GIMAP7: variants seen among roughly 807,000 people sequenced by gnomAD.
GIMAP7 encodes GTPase, IMAP family member 7, also known as GTPase IMAP family member 7.
For missense variants in GIMAP7, 323 were observed against 359.7 expected, an observed-to-expected ratio of 0.90 and a Z score of 0.83; for synonymous variants, 137 against 129.3, an observed-to-expected ratio of 1.06 and a Z score of -0.40.
At position 150,520,035 on chromosome 7, in the gene GIMAP7, A is replaced by C. The variant is rs1182879174; in HGVS notation, c.61A>C (p.Lys21Gln). Residue 21 changes from lysine to glutamine, a missense_variant, in exon 2 of 2, where the codon AAA (lysine) becomes CAA (glutamine). Lys to Gln is a moderately conservative substitution (Grantham distance 53). Transcript: ENST00000313543. ...IVLVGKTGSG[K>Q]SATANTILGE... ...TCTGGTAGGGAAAACTGGAAGTGGGAAAAGTGCAACAGCGAACACCATCCT... is the reference window on the plus strand; with the variant it reads ...TCTGGTAGGGAAAACTGGAAGTGGGCAAAGTGCAACAGCGAACACCATCCT... 4 of 1,610,446 alleles carry C rather than the reference A, an allele frequency of 2.5e-6. No homozygotes were observed. In the East Asian group the frequency reaches 6.7e-5, roughly 27 times the overall value.
At chr7:150,519,622 C>G (rs1231594198) in intron 1 of GIMAP7, among the ~76,000 whole-genome samples, 3 of 152,020 alleles carry the variant, frequency 2.0e-5, no homozygotes, top group African/African-American at 7.2e-5. Context: ...AAAAAAGTAA[C>G]TTTTTCCTTC....
chr7:150,515,334 CAG>C (rs947867544), intron 1 of GIMAP7, among the ~76,000 whole-genome samples: 2 of 152,126 alleles, frequency 1.3e-5, no homozygotes, highest in African/African-American at 4.8e-5. Context: ...ATCCCAATCC[CAG>C]AGATTTTGAT....
chr7:150,517,992 A>G (rs962176956), intron 1 of GIMAP7, among the ~76,000 whole-genome samples: 3 of 152,064 alleles, frequency 2.0e-5, no homozygotes, highest in Non-Finnish European at 4.4e-5. Context: ...ATGATAGTAA[A>G]CTATACATTA....
Position 150,520,239 on chromosome 7 carries a change from T to C in GIMAP7, c.265T>C (p.Cys89Arg). Reference protein sequence around the residue: ...KEISRCIISSCPGPHAIVLVL... With the variant: ...KEISRCIISSRPGPHAIVLVL... ...AATCAGCCGCTGCATCATCTCCTCC[T>C]GCCCAGGGCCCCATGCTATTGTCCT... Residue 89 changes from cysteine (C) to arginine (R), a missense_variant, in exon 2 of 2, where the codon TGC becomes CGC. Transcript: ENST00000313543. 8 of 1,614,198 alleles carry C rather than the reference T, an allele frequency of 5.0e-6. No individual in the cohort carries two copies. Among genetic ancestry groups the C allele is most frequent in the Non-Finnish European group, 6.8e-6 (8 of 1,180,010 alleles).
In GIMAP7 at chr7:150,520,094, C is replaced by T; in HGVS notation, c.120C>T (p.Ala40=). 1 of 1,614,050 alleles carries T rather than the reference C, an allele frequency of 6.2e-7. No homozygotes were observed. ...AAATCTTTGATTCTAGAATTGCTGC[C>T]CAAGCTGTTACCAAGAACTGTCAAA... ...GEEIFDSRIA[A]QAVTKNCQKA... Residue 40 remains alanine, a synonymous_variant, in exon 2 of 2, where the codon GCC becomes GCT. Coordinates refer to ENST00000313543, the MANE Select transcript of GIMAP7 (RefSeq NM_153236.4).
intron 1 of GIMAP7, 37 bp from the exon 2 acceptor site, chr7:150,519,897 A>T: frequency 1.5e-6 from 2 of 1,351,414 alleles, no homozygotes; most frequent in Non-Finnish European, 1.0e-6. Context: ...TCACTTACTA[A>T]AACTGGCTTT....
At chr7:150,519,303 A>AT (rs1291432592) in intron 1 of GIMAP7, among the ~76,000 whole-genome samples, 3 of 152,150 alleles carry the variant, frequency 2.0e-5, no homozygotes, top group Non-Finnish European at 4.4e-5. Context: ...AGAAATAGAT[A>AT]TTTTTTCTGT....
At position 150,520,204 on chromosome 7, in the gene GIMAP7, C is replaced by T. The variant is rs1323015149; in HGVS notation, c.230C>T (p.Thr77Ile). 6.2e-7 allele frequency: 1 copy of T among 1,614,022 alleles called. No homozygotes were observed. The highest frequency in any genetic ancestry group is 1.3e-5 in the African/African-American group (1 of 74,912). The change falls in exon 2 of 2, where the codon ACC (threonine) becomes ATC (isoleucine). Residue 77 changes from threonine (T) to isoleucine (I), a missense_variant. Coordinates refer to ENST00000313543, the MANE Select transcript of GIMAP7 (RefSeq NM_153236.4). ...GACACCAAGGAGAGCCTGGACACCA[C>T]CTGCAAGGAAATCAGCCGCTGCATC... Reference protein sequence around the residue: ...LFDTKESLDTTCKEISRCIIS... With the variant: ...LFDTKESLDTICKEISRCIIS...
chr7:150,520,655 A>C lies in GIMAP7; in HGVS notation c.681A>C (p.Gln227His), dbSNP rs566175398. The change falls in exon 2 of 2, where the codon CAA becomes CAC. Residue 227 changes from glutamine (Q) to histidine (H), a missense_variant. Gln to His is a conservative substitution (Grantham distance 24). Transcript: ENST00000313543. ...TTTTGAGGAAAATCTACACTGACCA[A>C]TTAAATGAAGAAATTAAACTAGTAG... ...EEVLRKIYTD[Q>H]LNEEIKLVEE... 3.2e-5 allele frequency: 52 copies of C among 1,613,260 alleles called. No individual in the cohort carries two copies. The South Asian group carries it at 5.4e-4, about 17-fold the overall frequency.
Position 150,521,029 on chromosome 7 carries a change from T to TATATACAC in GIMAP7, c.*153_*154insTATACACA, listed in dbSNP as rs369111955. ...TGATTTTTAAATATATATATATATA[T>TATATACAC]ACACACATTGTGAAATAATGAAATA... On this transcript the variant is annotated 3_prime_UTR_variant, in exon 2 of 2. Coordinates refer to ENST00000313543, the MANE Select transcript of GIMAP7 (RefSeq NM_153236.4). The TATATACAC allele has an allele frequency of 2.1e-5, 5 of 241,192 alleles. 1 individual carries two copies. The highest frequency in any genetic ancestry group is 9.6e-5 in the African/African-American group (4 of 41,752). 14.9% of individuals were successfully genotyped at this position (241,192 alleles called of 1,614,324 possible). A position where few individuals can be genotyped will look rare whatever the true frequency, so the allele number is the denominator to read the frequency against.
rs1795181786 is a variant in GIMAP7 at position 150,520,761 on chromosome 7, AAT to A, written c.791_792del (p.Ile264LysfsTer5). ...LKLKYDEKIK[N>X]IREEAERNIF... ...ATTAAAATATGATGAAAAAATAAAAAATATAAGGGAAGAAGCTGAGAGAAATA... is the reference window on the plus strand; with the variant it reads ...ATTAAAATATGATGAAAAAATAAAAAATAAGGGAAGAAGCTGAGAGAAATA... On this transcript the variant is annotated frameshift_variant, in exon 2 of 2. Transcript: ENST00000313543. LOFTEE classifies it low-confidence loss of function (END_TRUNC). 6.7e-7 allele frequency: 1 copy of A among 1,500,954 alleles called. No homozygotes were observed. The highest frequency in any genetic ancestry group is 9.1e-7 in the Non-Finnish European group (1 of 1,099,016). 93.0% of individuals were successfully genotyped at this position (1,500,954 alleles called of 1,614,324 possible). A position where few individuals can be genotyped will look rare whatever the true frequency, so the allele number is the denominator to read the frequency against.
rs368679926 is a variant in GIMAP7 at position 150,520,230 on chromosome 7, A to T, written c.256A>T (p.Ile86Phe). Residue 86 changes from isoleucine (I) to phenylalanine (F), a missense_variant, in exon 2 of 2, where the codon ATC (isoleucine) becomes TTC (phenylalanine). Ile to Phe is a conservative substitution (Grantham distance 21, BLOSUM62 0). Transcript: ENST00000313543. ...TTCKEISRCI[I>F]SSCPGPHAIV... The stretch of plus-strand genomic sequence containing the variant: ...CTGCAAGGAAATCAGCCGCTGCATC[A>T]TCTCCTCCTGCCCAGGGCCCCATGC... 6.2e-6 allele frequency: 10 copies of T among 1,614,018 alleles called. No homozygotes were observed. The African/African-American group carries it at 1.2e-4, about 19-fold the overall frequency.
intron 1 of GIMAP7, among the ~76,000 whole-genome samples, chr7:150,516,719 G>A (rs1795140284): frequency 6.6e-6 from 1 of 152,176 alleles, no homozygotes; most frequent in African/African-American, 2.4e-5. Context: ...AGGAAGGGAA[G>A]GTCTTTTGTC....
intron 1 of GIMAP7, among the ~76,000 whole-genome samples, 162 bp downstream of exon 1, chr7:150,515,107 A>T (rs1409824674): frequency 6.6e-6 from 1 of 152,156 alleles, no homozygotes; most frequent in Non-Finnish European, 1.5e-5. Flanking sequence ...AAGGGGAGTG[A>T]GGAGATTTGT....
chr7:150,517,107 G>T (rs957994045), intron 1 of GIMAP7, among the ~76,000 whole-genome samples: 7 of 152,132 alleles, frequency 4.6e-5, no homozygotes, highest in Admixed American at 1.3e-4. Context: ...GTTAAAAGAT[G>T]AGATGTATGA....
chr7:150,519,422 A>G (rs1041425586), intron 1 of GIMAP7, among the ~76,000 whole-genome samples: 2 of 152,218 alleles, frequency 1.3e-5, no homozygotes, highest in Admixed American at 6.5e-5. Flanking sequence ...GTAACAATCA[A>G]CATTCTCATA....
Position 150,519,969 on chromosome 7 carries a change from G to T in GIMAP7, c.-6G>T. 1 of 1,612,922 alleles carries T rather than the reference G, an allele frequency of 6.2e-7. No homozygotes were observed. The highest frequency in any genetic ancestry group is 1.1e-5 in the South Asian group (1 of 91,036). Reference sequence around the variant, plus strand: ...TGCCTAAGTTCTAGAGCCTCCTGACGTGAGCATGGCTGAGAGTGAGGACCG... The same window carrying T: ...TGCCTAAGTTCTAGAGCCTCCTGACTTGAGCATGGCTGAGAGTGAGGACCG... On this transcript the variant is annotated 5_prime_UTR_variant, in exon 2 of 2. Coordinates refer to ENST00000313543, the MANE Select transcript of GIMAP7 (RefSeq NM_153236.4).
Position 150,520,253 on chromosome 7 carries a change from T to A in GIMAP7, c.279T>A (p.His93Gln), listed in dbSNP as rs761747672. 7 of 1,614,104 alleles carry A rather than the reference T, an allele frequency of 4.3e-6. No homozygotes were observed. The South Asian group carries it at 7.7e-5, about 18-fold the overall frequency. ...RCIISSCPGPHAIVLVLLLGR... is the reference protein window; with the variant it reads ...RCIISSCPGPQAIVLVLLLGR... ...TCATCTCCTCCTGCCCAGGGCCCCATGCTATTGTCCTAGTTCTGCTGCTGG... is the reference window on the plus strand; with the variant it reads ...TCATCTCCTCCTGCCCAGGGCCCCAAGCTATTGTCCTAGTTCTGCTGCTGG... Residue 93 changes from histidine to glutamine, a missense_variant, in exon 2 of 2, where the codon CAT becomes CAA. His to Gln is a conservative substitution (Grantham distance 24). Transcript: ENST00000313543.
At chr7:150,518,032 C>T (rs1342977328) in intron 1 of GIMAP7, among the ~76,000 whole-genome samples, 3 of 151,892 alleles carry the variant, frequency 2.0e-5, no homozygotes, top group Admixed American at 6.6e-5. Context: ...TTTCACTTAG[C>T]AGTATATCAC....
Sources: gnomAD v4.1 joint callset for allele counts (sites outside exome capture counted in the v4.1 genomes callset) on GRCh38, gnomAD v4.1.1 for gene constraint, MANE v1.5 for transcripts, NCBI Gene and HGNC (gene_info 2026-07-23, HGNC 2026-07-21) for gene names.